The following GGCX variants were observed in gnomAD, a reference collection of about 807,000 sequenced individuals.
GGCX encodes gamma-glutamyl carboxylase, also known as vitamin K-dependent gamma-carboxylase.
In GGCX, 63 loss-of-function variants were observed where a neutral mutation model predicts 88.5. That is an observed-to-expected ratio of 0.71 (90% CI 0.58 to 0.88). GGCX has a LOEUF of 0.88. Among genes scored for constraint, GGCX ranks in the 40% least tolerant of loss-of-function variants. The probability of loss-of-function intolerance (pLI) is 0.00; values close to 1 mark genes in which losing one functional copy is unlikely to be tolerated. For synonymous variants in GGCX, 368 were observed against 365.8 expected, an observed-to-expected ratio of 1.01 and a Z score of -0.07; for missense variants, 805 against 932.9, an observed-to-expected ratio of 0.86 and a Z score of 1.79.
At position 85,553,014 on chromosome 2, in the gene GGCX, G is replaced by T. The variant is rs1353541578; in HGVS notation, c.1212C>A (p.His404Gln). 3.1e-6 allele frequency: 5 copies of T among 1,614,056 alleles called. No individual in the cohort carries two copies. The South Asian group carries it at 4.4e-5, about 14-fold the overall frequency. The change falls in exon 9 of 15, where the codon CAC becomes CAA. Residue 404 changes from histidine (H) to glutamine (Q), a missense_variant. By Grantham distance (24) the His-to-Gln change is conservative (BLOSUM62 0). Around this residue, in one of 3 missense-constraint regions of GGCX, gnomAD observed 680 missense variants for 763.7 expected, o/e 0.89. Coordinates refer to ENST00000233838, the MANE Select transcript of GGCX (RefSeq NM_000821.7). ...LYGYSWDMMV[H>Q]SRSHQHVKIT... ...TCTTCACGTGCTGGTGGGAGCGGGA[G>T]TGCACCATCATGTCCCAGGAATAGC...
At chr2:85,559,401 T>C (rs1174972221) in intron 2 of GGCX, among the ~76,000 whole-genome samples, 2 of 152,148 alleles carry the variant, frequency 1.3e-5, no homozygotes, top group African/African-American at 2.4e-5. Flanking sequence ...TAAAGATCCA[T>C]CCTATTGAGC....
At chr2:85,552,829 C>A in intron 9 of GGCX, 110 bp downstream of exon 9, 2 of 1,250,220 alleles carry the variant, frequency 1.6e-6, no homozygotes, top group Non-Finnish European at 2.4e-6. Flanking sequence ...TGAGAAAAGG[C>A]AAAGCAGACT....
At chr2:85,554,454 TTTGTTGTTGTTG>T (rs60769490) in intron 6 of GGCX, 148 bp from the exon 7 acceptor site, 13 of 645,594 alleles carry the variant, frequency 2.0e-5, no homozygotes, top group African/African-American at 3.7e-5. Context: ...CTCTAGGTTG[TTTGTTGTTGTTG>T]TTGTTGTTGT....
chr2:85,553,923 G>A, intron 7 of GGCX: 1 of 589,554 alleles, frequency 1.7e-6, no homozygotes, highest in South Asian at 1.9e-5. Context: ...TTAACTGTAA[G>A]ATATTTGTTC....
intron 12 of GGCX, 88 bp downstream of exon 12, chr2:85,551,392 T>C: frequency 7.4e-7 from 1 of 1,352,864 alleles, no homozygotes; most frequent in Non-Finnish European, 1.1e-6. Flanking sequence ...ATTCCTGGCT[T>C]CCCACCTCAG....
At chr2:85,561,316 TCCCGCC>T in intron 1 of GGCX, 64 bp downstream of exon 1, 3 of 430,266 alleles carry the variant, frequency 7.0e-6, no homozygotes, top group Non-Finnish European at 7.5e-6. Context: ...CTGGGCGTCC[TCCCGCC>T]CCCGCCCCTC....
At chr2:85,550,798 C>T in intron 13 of GGCX, 48 bp from the exon 14 acceptor site, 2 of 1,594,844 alleles carry the variant, frequency 1.3e-6, no homozygotes, top group Non-Finnish European at 8.6e-7. Flanking sequence ...GGATCACTCT[C>T]TCCCCTTAGA....
At chr2:85,559,261 G>C (rs947056002) in intron 2 of GGCX, among the ~76,000 whole-genome samples, 186 bp from the exon 3 acceptor site, 1 of 152,212 alleles carries the variant, frequency 6.6e-6, no homozygotes, top group Non-Finnish European at 1.5e-5. Flanking sequence ...GTGCCATCTA[G>C]AACAGCCCCT....
At chr2:85,557,467 G>A (rs897584809) in intron 4 of GGCX, among the ~76,000 whole-genome samples, 13 of 152,132 alleles carry the variant, frequency 8.5e-5, no homozygotes, top group Non-Finnish European at 1.2e-4. Context: ...TAGCCTGGGC[G>A]ACACAGTGAG....
chr2:85,552,672 G>A, intron 9 of GGCX, 105 bp from the exon 10 acceptor site: 14 of 1,232,652 alleles, frequency 1.1e-5, no homozygotes, highest in Non-Finnish European at 1.7e-5. Context: ...GCCCATTCTG[G>A]CTAGAAAAAA....
At chr2:85,560,767 C>T in intron 2 of GGCX, 48 bp downstream of exon 2, 1 of 1,424,728 alleles carries the variant, frequency 7.0e-7, no homozygotes. Flanking sequence ...TAGAGATTGT[C>T]ATTCTCCACT....
At chr2:85,558,344 A>G in intron 4 of GGCX, 96 bp downstream of exon 4, 2 of 1,070,178 alleles carry the variant, frequency 1.9e-6, no homozygotes, top group South Asian at 2.5e-5. Flanking sequence ...TACTTTGCAA[A>G]CATGACTGAA....
intron 1 of GGCX, 108 bp downstream of exon 1, chr2:85,561,278 G>GCCCC (rs1692444943): frequency 2.1e-5 from 12 of 568,472 alleles, no homozygotes; most frequent in Non-Finnish European, 2.2e-5. Flanking sequence ...CCCCACAGAG[G>GCCCC]ACCCCCCCCC....
chr2:85,550,835 C>T, intron 13 of GGCX, 85 bp from the exon 14 acceptor site: 1 of 1,584,284 alleles, frequency 6.3e-7, no homozygotes, highest in Non-Finnish European at 8.7e-7. Flanking sequence ...CTAGAGACTT[C>T]AAGTTCATTC....
rs917289624 is a variant in GGCX, at chr2:85,548,594, C to G, written c.*1340G>C. On this transcript the variant is annotated 3_prime_UTR_variant, in exon 15 of 15. Coordinates refer to ENST00000233838, the MANE Select transcript of GGCX (RefSeq NM_000821.7). ...GTGGGGGAGAGTATGGGAAGAGAAG[C>G]CTGCAAAGAGATGCAATCATTTACA... 3 of 152,168 alleles carry G rather than the reference C, an allele frequency of 2.0e-5. No individual in the cohort carries two copies. Among genetic ancestry groups the G allele is most frequent in the Non-Finnish European group, 4.4e-5 (3 of 68,054 alleles). 9.4% of individuals were successfully genotyped at this position (152,168 alleles called of 1,614,324 possible).
intron 2 of GGCX, among the ~76,000 whole-genome samples, chr2:85,559,751 G>A (rs1233955861): frequency 6.6e-6 from 1 of 151,958 alleles, no homozygotes; most frequent in Non-Finnish European, 1.5e-5. Flanking sequence ...AAGTGCTCTG[G>A]GAGTGCTTCT....
chr2:85,551,567 A>G lies in GGCX; in HGVS notation c.1653T>C (p.Thr551=). Residue 551 remains threonine, a synonymous_variant, in exon 12 of 15, where the codon ACT becomes ACC. Coordinates refer to ENST00000233838, the MANE Select transcript of GGCX (RefSeq NM_000821.7). ...ENFVSEDLGN[T]SIQLLQGEVT... Reference sequence around the variant, plus strand: ...CTTCCCCCTGCAGCAGCTGGATGCTAGTGTTGCCCAGGTCTTCACTCACAA... The same window carrying G: ...CTTCCCCCTGCAGCAGCTGGATGCTGGTGTTGCCCAGGTCTTCACTCACAA... 3 of 1,613,862 alleles carry G rather than the reference A, an allele frequency of 1.9e-6. No individual in the cohort carries two copies. Among genetic ancestry groups the G allele is most frequent in the Non-Finnish European group, 2.5e-6 (3 of 1,179,816 alleles).
rs529910140 is a variant in GGCX at position 85,560,771 on chromosome 2, C to A, written c.214+44G>T. On this transcript the variant is annotated intron_variant, in intron 2 of 14. Coordinates refer to ENST00000233838, the MANE Select transcript of GGCX (RefSeq NM_000821.7). ...CAACCAAAAAATAGAGATTGTCATT[C>A]TCCACTCTCAACCAAATTGCTCCCA... The A allele has an allele frequency of 1.1e-5, 16 of 1,461,670 alleles. No individual in the cohort carries two copies. In the East Asian group the frequency reaches 3.2e-4, roughly 29 times the overall value. 90.5% of individuals were successfully genotyped at this position (1,461,670 alleles called of 1,614,324 possible).
rs745951222 is a variant in GGCX at position 85,552,453 on chromosome 2, CA to C, written c.1401del (p.Phe467LeufsTer40). On this transcript the variant is annotated frameshift_variant, in exon 10 of 15. Coordinates refer to ENST00000233838, the MANE Select transcript of GGCX (RefSeq NM_000821.7). LOFTEE classifies it high-confidence loss of function. ...CGGTCATTGATGGAGACCCAAATAT[CA>C]AAGTAGATCTGGGGCTCAGTGACAT... ...KYNVTEPQIY[F>X]DIWVSINDRF... The C allele has an allele frequency of 1.2e-6, 2 of 1,613,824 alleles. No homozygotes were observed. Among genetic ancestry groups the C allele is most frequent in the Admixed American group, 3.3e-5 (2 of 60,034 alleles).
Sources: allele counts gnomAD v4.1 joint callset (sites outside exome capture counted in the v4.1 genomes callset), GRCh38; gene constraint gnomAD v4.1.1; regional missense constraint gnomAD v4.1.1; transcripts MANE v1.5; gene names NCBI Gene and HGNC (gene_info 2026-07-23, HGNC 2026-07-21).